Variants in VPS13B observed in about 807,000 individuals in gnomAD.
The protein encoded by VPS13B is intermembrane lipid transfer protein VPS13B.
In VPS13B, 285 loss-of-function variants were observed where a neutral mutation model predicts 426.4. That is an observed-to-expected ratio of 0.67 (90% CI 0.61 to 0.74). The LOEUF (loss-of-function observed/expected upper bound fraction) is 0.74. Ranked by LOEUF, VPS13B falls within the 30% of genes least tolerant of loss-of-function variation. VPS13B has a pLI of 0.00. For synonymous variants in VPS13B, 1,676 were observed against 1,676.4 expected, an observed-to-expected ratio of 1.00 and a Z score of 0.01; for missense variants, 4,537 against 4,782.6, an observed-to-expected ratio of 0.95 and a Z score of 1.51.
chr8:99,111,088 T>C lies in VPS13B; in HGVS notation c.581-10T>C, dbSNP rs770058631. 2.8e-5 allele frequency: 45 copies of C among 1,598,214 alleles called. No homozygotes were observed. Among genetic ancestry groups the C allele is most frequent in the Admixed American group, 1.5e-4 (9 of 59,012 alleles). On this transcript the variant is annotated splice_polypyrimidine_tract_variant and intron_variant, in intron 5 of 61. Coordinates refer to ENST00000357162, the MANE Select transcript of VPS13B (RefSeq NM_152564.5). ...TCCTTTTTACTTAAAATGTTTTTTT[T>C]TCTTTTTAGCAACTGATTTGGTGCT...
At chr8:99,445,683 A>T (rs1288052526) in intron 23 of VPS13B, among the ~76,000 whole-genome samples, 1 of 151,926 alleles carries the variant, frequency 6.6e-6, no homozygotes, top group Non-Finnish European at 1.5e-5. Flanking sequence ...AAATATTAAG[A>T]TGCATATTTA....
chr8:99,094,301 TG>T (rs1846317404), intron 3 of VPS13B, among the ~76,000 whole-genome samples: 1 of 152,228 alleles, frequency 6.6e-6, no homozygotes, highest in African/African-American at 2.4e-5. Context: ...TTAATGTTAA[TG>T]TTGTGCAGAA....
chr8:99,581,705 A>T (rs1428001630), intron 33 of VPS13B, among the ~76,000 whole-genome samples: 1 of 152,210 alleles, frequency 6.6e-6, no homozygotes, highest in Non-Finnish European at 1.5e-5. Flanking sequence ...GTTAATACTA[A>T]AAAAATTTCA....
chr8:99,265,105 CATT>C (rs965472708), intron 17 of VPS13B, among the ~76,000 whole-genome samples: 1 of 151,870 alleles, frequency 6.6e-6, no homozygotes, highest in Non-Finnish European at 1.5e-5. Flanking sequence ...GGATAGAAAT[CATT>C]ATTATTATTA....
At chr8:99,317,212 A>AGGTG (rs1288819188) in intron 19 of VPS13B, among the ~76,000 whole-genome samples, 6 of 152,158 alleles carry the variant, frequency 3.9e-5, no homozygotes, top group Admixed American at 3.9e-4. Context: ...TTATTTAGTG[A>AGGTG]GTGGGTATGG....
intron 2 of VPS13B, among the ~76,000 whole-genome samples, chr8:99,034,485 T>C (rs1020897385): frequency 6.6e-6 from 1 of 152,118 alleles, no homozygotes; most frequent in Non-Finnish European, 1.5e-5. Context: ...GCTTGCTAGT[T>C]ACTGCCCTCT....
chr8:99,411,191 T>C (rs1211903690), intron 21 of VPS13B, among the ~76,000 whole-genome samples: 1 of 152,040 alleles, frequency 6.6e-6, no homozygotes, highest in Non-Finnish European at 1.5e-5. Context: ...TGGTGTAAAG[T>C]GTTCCTATTC....
chr8:99,473,159 G>A (rs72674628), intron 24 of VPS13B, among the ~76,000 whole-genome samples: 121 of 152,080 alleles, frequency 8.0e-4, no homozygotes, highest in Non-Finnish European at 1.1e-3. Flanking sequence ...GTTTTATGAA[G>A]CTAGCATAAC....
At chr8:99,041,167 A>T (rs183519183) in intron 3 of VPS13B, among the ~76,000 whole-genome samples, 1 of 152,182 alleles carries the variant, frequency 6.6e-6, no homozygotes, top group African/African-American at 2.4e-5. Flanking sequence ...GTCCATCTTG[A>T]TGTTTACTCT....
chr8:99,159,938 G>T (rs890916575), intron 15 of VPS13B, among the ~76,000 whole-genome samples: 2 of 151,936 alleles, frequency 1.3e-5, no homozygotes, highest in African/African-American at 4.8e-5. Context: ...GATTACAGGT[G>T]TGAACCACTG....
At chr8:99,233,599 A>G in intron 17 of VPS13B, 4 of 1,210,130 alleles carry the variant, frequency 3.3e-6, no homozygotes, top group Non-Finnish European at 3.7e-6. Flanking sequence ...TATCATTTTC[A>G]AAGGCCTCAC....
intron 3 of VPS13B, among the ~76,000 whole-genome samples, chr8:99,080,248 T>G (rs979189935): frequency 1.2e-4 from 18 of 151,996 alleles, no homozygotes; most frequent in African/African-American, 4.1e-4. Flanking sequence ...TTTGTCTTAA[T>G]GAAGTTGGGT....
intron 56 of VPS13B, among the ~76,000 whole-genome samples, chr8:99,855,297 G>A (rs1400413298): frequency 3.3e-5 from 5 of 152,148 alleles, no homozygotes; most frequent in Admixed American, 2.0e-4. Flanking sequence ...TGGGAGGATT[G>A]CTCGAGCCCA....
chr8:99,271,039 ATAGC>A (rs1818563567), intron 17 of VPS13B, among the ~76,000 whole-genome samples: 1 of 152,158 alleles, frequency 6.6e-6, no homozygotes, highest in Non-Finnish European at 1.5e-5. Flanking sequence ...GAAAATAGTA[ATAGC>A]TCCTAAGGAT....
At chr8:99,818,980 T>TGGGGGGGGGGG in intron 47 of VPS13B, 92 bp downstream of exon 47, 1 of 266,916 alleles carries the variant, frequency 3.7e-6, no homozygotes, top group Non-Finnish European at 7.3e-6. Flanking sequence ...GGGGGAGGGG[T>TGGGGGGGGGGG]GGGTAGGGAG....
intron 33 of VPS13B, among the ~76,000 whole-genome samples, chr8:99,590,312 G>A (rs1254050644): frequency 6.6e-6 from 1 of 151,994 alleles, no homozygotes; most frequent in Non-Finnish European, 1.5e-5. Flanking sequence ...ATTTTTTGAA[G>A]GGTTTTTTGT....
intron 41 of VPS13B, among the ~76,000 whole-genome samples, chr8:99,778,363 G>A (rs1811845802): frequency 6.6e-6 from 1 of 152,088 alleles, no homozygotes; most frequent in Admixed American, 6.6e-5. Context: ...GGTAGCTACA[G>A]AGCAGTTCTA....
At chr8:99,352,980 T>TATC (rs1184915659) in intron 19 of VPS13B, among the ~76,000 whole-genome samples, 1 of 151,848 alleles carries the variant, frequency 6.6e-6, no homozygotes, top group African/African-American at 2.4e-5. Flanking sequence ...ACAAAAAACT[T>TATC]ATTATTATTA....
chr8:99,827,653 T>C (rs12546990), intron 51 of VPS13B, among the ~76,000 whole-genome samples: 3,529 of 152,170 alleles, frequency 0.023, 335 homozygotes, highest in East Asian at 0.18. Flanking sequence ...CTTGCTTCTC[T>C]AGTTCTGTTA....
Sources: allele counts gnomAD v4.1 joint callset (sites outside exome capture counted in the v4.1 genomes callset), GRCh38; gene constraint gnomAD v4.1.1; transcripts MANE v1.5; gene names NCBI Gene and HGNC (gene_info 2026-07-23, HGNC 2026-07-21).